The following PAX5 variants were observed in gnomAD, a reference collection of about 807,000 sequenced individuals.
PAX5 encodes the protein paired box protein Pax-5.
Under a neutral mutation model 43.7 loss-of-function variants are expected in PAX5, and 9 were observed. The ratio of observed to expected loss-of-function variants is 0.21; its 90% confidence interval spans 0.12 to 0.36. PAX5 has a LOEUF of 0.36. Ranked by LOEUF, PAX5 falls within the 10% of genes least tolerant of loss-of-function variation. The probability of loss-of-function intolerance (pLI) is 1.00; values close to 1 mark genes in which losing one functional copy is unlikely to be tolerated. For missense variants in PAX5, 383 were observed against 532.7 expected (o/e 0.72, Z 2.77); for synonymous variants, 228 against 214.3 (o/e 1.06, Z -0.56).
intron 6 of PAX5, among the ~76,000 whole-genome samples, chr9:36,955,769 T>C (rs1833392242): frequency 4.0e-5 from 2 of 50,428 alleles, no homozygotes; most frequent in Admixed American, 2.2e-4. Context: ...TCTTTTTGTT[T>C]CAAAAAAAAA....
chr9:36,852,804 C>T (rs1315111461), intron 8 of PAX5, among the ~76,000 whole-genome samples: 2 of 152,130 alleles, frequency 1.3e-5, no homozygotes, highest in African/African-American at 2.4e-5. Context: ...TTTAGAGATA[C>T]GTTCCCTCAA....
chr9:36,946,905 C>A (rs1057048827), intron 6 of PAX5, among the ~76,000 whole-genome samples: 1 of 152,166 alleles, frequency 6.6e-6, no homozygotes, highest in African/African-American at 2.4e-5. Context: ...GATGACTCAG[C>A]CACGTGCAGG....
chr9:36,988,662 C>CAA (rs139552622), intron 5 of PAX5, among the ~76,000 whole-genome samples: 39 of 103,534 alleles, frequency 3.8e-4, no homozygotes, highest in Non-Finnish European at 5.7e-4. Context: ...GACCCTGTCT[C>CAA]AAAAAAAAAA....
chr9:36,883,017 G>T (rs1392297995), intron 7 of PAX5, among the ~76,000 whole-genome samples: 1 of 152,350 alleles, frequency 6.6e-6, no homozygotes, highest in African/African-American at 2.4e-5. Context: ...AAGATGGGGG[G>T]CATTAGCCCA....
intron 7 of PAX5, among the ~76,000 whole-genome samples, chr9:36,885,887 GA>G (rs1270016425): frequency 4.6e-5 from 7 of 152,114 alleles, no homozygotes; most frequent in African/African-American, 7.2e-5. Flanking sequence ...TCAGTTTTAT[GA>G]AAAAACAAAA....
intron 3 of PAX5, among the ~76,000 whole-genome samples, chr9:37,011,873 G>A (rs1838959745): frequency 6.6e-6 from 1 of 152,194 alleles, no homozygotes; most frequent in Admixed American, 6.5e-5. Context: ...GGGAGGCAAG[G>A]GCTGGGAGAG....
chr9:36,957,814 C>T (rs1350125301), intron 6 of PAX5, among the ~76,000 whole-genome samples: 3 of 152,158 alleles, frequency 2.0e-5, no homozygotes. Context: ...CAAGTCCCTG[C>T]CTACCAAGCT....
intron 5 of PAX5, among the ~76,000 whole-genome samples, chr9:36,973,653 G>C (rs1426585924): frequency 6.6e-6 from 1 of 152,100 alleles, no homozygotes; most frequent in African/African-American, 2.4e-5. Context: ...GATCACTTGA[G>C]GCCAGGAGTT....
intron 2 of PAX5, among the ~76,000 whole-genome samples, chr9:37,019,034 C>G (rs553731918): frequency 6.6e-6 from 1 of 152,150 alleles, no homozygotes; most frequent in Non-Finnish European, 1.5e-5. Flanking sequence ...CTCTCTCCCT[C>G]TCTCTCGGTA....
intron 8 of PAX5, among the ~76,000 whole-genome samples, chr9:36,874,842 A>T (rs1825782419): frequency 6.6e-6 from 1 of 152,202 alleles, no homozygotes; most frequent in Admixed American, 6.5e-5. Context: ...CGCCCTATCC[A>T]GCCCAGGCCC....
At chr9:36,985,588 C>T (rs567150259) in intron 5 of PAX5, among the ~76,000 whole-genome samples, 1 of 152,306 alleles carries the variant, frequency 6.6e-6, no homozygotes, top group African/African-American at 2.4e-5. Flanking sequence ...CAGGAGAAGG[C>T]TGTGGGGCCT....
intron 6 of PAX5, among the ~76,000 whole-genome samples, chr9:36,961,113 C>T (rs1266487290): frequency 1.3e-5 from 2 of 152,232 alleles, no homozygotes; most frequent in African/African-American, 2.4e-5. Context: ...TTTTCTGCCT[C>T]ATGGTCGAGG....
chr9:37,034,045 G>A lies in PAX5; in HGVS notation c.-14C>T. The A allele has an allele frequency of 1.3e-6, 2 of 1,562,190 alleles. No individual in the cohort carries two copies. Among genetic ancestry groups the A allele is most frequent in the Non-Finnish European group, 1.8e-6 (2 of 1,139,622 alleles). ...CTCTAAATCCATTTTGATTTTTCAG[G>A]ACTTGATGGAATGGACAGGGAAAAG... On this transcript the variant is annotated 5_prime_UTR_variant, in exon 1 of 10. Transcript: ENST00000358127.
At chr9:36,852,493 GA>G (rs1823253660) in intron 8 of PAX5, among the ~76,000 whole-genome samples, 1 of 152,076 alleles carries the variant, frequency 6.6e-6, no homozygotes, top group East Asian at 1.9e-4. Flanking sequence ...GCCTTCGGAG[GA>G]AAAAAATGAC....
At chr9:36,889,844 A>T (rs77372025) in intron 7 of PAX5, among the ~76,000 whole-genome samples, 2,624 of 150,020 alleles carry the variant, frequency 0.017, 74 homozygotes, top group African/African-American at 0.061. Flanking sequence ...TCCACAAAAT[A>T]ACCAGGCCTG....
At chr9:36,926,273 C>T (rs578024238) in intron 6 of PAX5, among the ~76,000 whole-genome samples, 6 of 152,264 alleles carry the variant, frequency 3.9e-5, no homozygotes, top group African/African-American at 1.4e-4. Context: ...AATCAACTTG[C>T]TGGTCCCAAC....
At chr9:36,877,493 C>T (rs1309407969) in intron 8 of PAX5, among the ~76,000 whole-genome samples, 1 of 152,204 alleles carries the variant, frequency 6.6e-6, no homozygotes, top group African/African-American at 2.4e-5. Flanking sequence ...AAACAGATCT[C>T]ACAGTGAAAC....
intron 6 of PAX5, among the ~76,000 whole-genome samples, chr9:36,955,864 G>A (rs1833427893): frequency 6.6e-6 from 1 of 151,280 alleles, no homozygotes; most frequent in African/African-American, 2.4e-5. Flanking sequence ...GTTTGCAATA[G>A]GAGAGCCTAC....
chr9:36,991,606 C>T (rs1260901139), intron 5 of PAX5, among the ~76,000 whole-genome samples: 1 of 152,200 alleles, frequency 6.6e-6, no homozygotes, highest in Non-Finnish European at 1.5e-5. Context: ...AGTGAGACTT[C>T]AGCTAATGGT....
Sources: gnomAD v4.1 joint callset for allele counts (sites outside exome capture counted in the v4.1 genomes callset) on GRCh38, gnomAD v4.1.1 for gene constraint, MANE v1.5 for transcripts, NCBI Gene and HGNC (gene_info 2026-07-23, HGNC 2026-07-21) for gene names.